Variants in ADGRV1 observed in about 807,000 individuals in gnomAD.
ADGRV1 encodes G-protein coupled receptor 98.
Under a neutral mutation model 596.2 loss-of-function variants are expected in ADGRV1, and 359 were observed. The observed-to-expected ratio is 0.60, with a 90% CI of 0.55 to 0.66. The LOEUF is 0.66. ADGRV1 is among the 30% of genes least tolerant of loss of function. The pLI is 0.00. For missense variants in ADGRV1, 7,274 were observed against 7,575.6 expected (o/e 0.96, Z 1.48); for synonymous variants, 2,681 against 2,679.2 (o/e 1.00, Z -0.02).
intron 83 of ADGRV1, among the ~76,000 whole-genome samples, chr5:90,877,588 T>G (rs978783319): frequency 6.6e-6 from 1 of 151,392 alleles, no homozygotes; most frequent in Non-Finnish European, 1.5e-5. Flanking sequence ...GTGTGTGGTT[T>G]TTTTTTTTTT....
At chr5:90,852,848 C>T (rs1452340069) in intron 79 of ADGRV1, among the ~76,000 whole-genome samples, 2 of 152,160 alleles carry the variant, frequency 1.3e-5, no homozygotes, top group Non-Finnish European at 2.9e-5. Flanking sequence ...TTGTTGAAAA[C>T]ATGGGCCTGG....
intron 1 of ADGRV1, among the ~76,000 whole-genome samples, chr5:90,586,345 C>A (rs1580355758): frequency 6.6e-6 from 1 of 152,100 alleles, no homozygotes; most frequent in Non-Finnish European, 1.5e-5. Context: ...AGTAATAAGT[C>A]CACCTTCAAA....
intron 42 of ADGRV1, among the ~76,000 whole-genome samples, chr5:90,713,848 T>C (rs1462704069): frequency 6.6e-6 from 1 of 152,172 alleles, no homozygotes; most frequent in Non-Finnish European, 1.5e-5. Context: ...TATTGGGCTC[T>C]CTCAAGCTTA....
intron 85 of ADGRV1, among the ~76,000 whole-genome samples, chr5:90,995,282 G>C (rs1161953547): frequency 6.6e-6 from 1 of 152,146 alleles, no homozygotes; most frequent in East Asian, 1.9e-4. Flanking sequence ...GCTGAACTCT[G>C]AGATACGTGA....
chr5:90,671,750 G>A (rs1392670815), intron 21 of ADGRV1, among the ~76,000 whole-genome samples: 1 of 151,674 alleles, frequency 6.6e-6, no homozygotes, highest in East Asian at 1.9e-4. Flanking sequence ...CTATATATTT[G>A]CTAACATAAA....
chr5:90,966,519 C>G (rs1275097396), intron 84 of ADGRV1, among the ~76,000 whole-genome samples: 1 of 99,048 alleles, frequency 1.0e-5, no homozygotes, highest in East Asian at 2.7e-4. Context: ...GCGAGAAAAG[C>G]GAAACTCTGC....
intron 1 of ADGRV1, among the ~76,000 whole-genome samples, chr5:90,607,691 G>T (rs1762273872): frequency 6.6e-6 from 1 of 152,130 alleles, no homozygotes; most frequent in African/African-American, 2.4e-5. Flanking sequence ...TTTCTAATAA[G>T]TGGTTCACTC....
At chr5:90,803,973 A>G (rs1340425813) in intron 71 of ADGRV1, among the ~76,000 whole-genome samples, 2 of 152,054 alleles carry the variant, frequency 1.3e-5, no homozygotes, top group Non-Finnish European at 2.9e-5. Flanking sequence ...TGTAACCTCT[A>G]TACTTGTATC....
intron 58 of ADGRV1, 149 bp downstream of exon 58, chr5:90,759,737 G>A (rs761184911): frequency 2.7e-4 from 181 of 679,786 alleles, no homozygotes; most frequent in Admixed American, 5.9e-4. Context: ...AGGCCGCAGC[G>A]GGCAGATCAC....
At chr5:91,082,509 T>G (rs1389924299) in intron 86 of ADGRV1, among the ~76,000 whole-genome samples, 15 of 152,104 alleles carry the variant, frequency 9.9e-5, no homozygotes, top group Admixed American at 5.9e-4. Flanking sequence ...AAAATTTTTT[T>G]TACAGAGCAT....
intron 20 of ADGRV1, 117 bp downstream of exon 20, chr5:90,654,069 G>T: frequency 9.7e-7 from 1 of 1,035,438 alleles, no homozygotes; most frequent in Non-Finnish European, 1.4e-6. Context: ...TTATGCATTG[G>T]TTTAATTTCT....
At chr5:91,080,017 T>C (rs977116725) in intron 86 of ADGRV1, among the ~76,000 whole-genome samples, 1 of 152,174 alleles carries the variant, frequency 6.6e-6, no homozygotes, top group Non-Finnish European at 1.5e-5. Context: ...GGCACTGTGT[T>C]AAGAATTTCA....
intron 75 of ADGRV1, among the ~76,000 whole-genome samples, chr5:90,819,421 T>C (rs934826458): frequency 6.6e-6 from 1 of 151,494 alleles, no homozygotes; most frequent in African/African-American, 2.5e-5. Context: ...TTCCTTCAGT[T>C]CTGCTCTGAT....
At chr5:91,012,475 G>A (rs1782803402) in intron 85 of ADGRV1, among the ~76,000 whole-genome samples, 1 of 151,680 alleles carries the variant, frequency 6.6e-6, no homozygotes, top group African/African-American at 2.4e-5. Flanking sequence ...TTCCATTATA[G>A]CTGGGTTCTT....
At chr5:91,041,636 T>TC (rs913828141) in intron 85 of ADGRV1, among the ~76,000 whole-genome samples, 2 of 142,628 alleles carry the variant, frequency 1.4e-5, no homozygotes, top group African/African-American at 5.1e-5. Context: ...AAAGTATAAT[T>TC]AAAAAAAAAA....
chr5:90,959,360 T>G (rs1388893244), intron 83 of ADGRV1, among the ~76,000 whole-genome samples: 1 of 151,992 alleles, frequency 6.6e-6, no homozygotes, highest in Non-Finnish European at 1.5e-5. Context: ...CCTAAATAAA[T>G]GGAGAAAGAC....
At chr5:90,668,218 G>A (rs1242975890) in intron 21 of ADGRV1, among the ~76,000 whole-genome samples, 1 of 151,576 alleles carries the variant, frequency 6.6e-6, no homozygotes, top group Non-Finnish European at 1.5e-5. Flanking sequence ...CCTCGCTGCC[G>A]CCTTGCAGTT....
chr5:90,892,642 C>G (rs1040464643), intron 83 of ADGRV1, among the ~76,000 whole-genome samples: 1 of 152,108 alleles, frequency 6.6e-6, no homozygotes, highest in Non-Finnish European at 1.5e-5. Flanking sequence ...TTTTCTCTTA[C>G]CCCTTTTAAT....
chr5:90,676,606 A>AT (rs1407626241), intron 25 of ADGRV1, among the ~76,000 whole-genome samples: 16 of 152,220 alleles, frequency 1.1e-4, no homozygotes, highest in South Asian at 6.2e-4. Flanking sequence ...TGTTCGTGCT[A>AT]TTTTTCCCCC....
Sources: gnomAD v4.1 joint callset for allele counts (sites outside exome capture counted in the v4.1 genomes callset) on GRCh38, gnomAD v4.1.1 for gene constraint, MANE v1.5 for transcripts, NCBI Gene and HGNC (gene_info 2026-07-23, HGNC 2026-07-21) for gene names.